The following ADA2 variants were observed in gnomAD, a reference collection of about 807,000 sequenced individuals.
The protein encoded by ADA2 is adenosine deaminase CECR1.
A neutral mutation model predicts 44.2 loss-of-function variants in ADA2; 29 were observed. That is an observed-to-expected ratio of 0.66 (90% CI 0.49 to 0.89). ADA2 has a LOEUF of 0.89. Among genes scored for constraint, ADA2 ranks in the 40% least tolerant of loss-of-function variants. ADA2 has a pLI of 0.00. For missense variants in ADA2, 637 were observed against 644.8 expected (o/e 0.99, Z 0.13); for synonymous variants, 215 against 234.9 (o/e 0.92, Z 0.77).
chr22:17,198,333 G>A (rs2062220126), intron 4 of ADA2, among the ~76,000 whole-genome samples: 1 of 152,092 alleles, frequency 6.6e-6, no homozygotes, highest in South Asian at 2.1e-4. Context: ...GCTAGGGTGC[G>A]ATATACAGCT....
chr22:17,188,607 T>A, intron 6 of ADA2, 160 bp from the exon 7 acceptor site: 1 of 539,654 alleles, frequency 1.9e-6, no homozygotes, highest in Non-Finnish European at 3.3e-6. Flanking sequence ...AGGCCAGGCG[T>A]GGTGGCTCAC....
At chr22:17,195,315 G>A (rs2062175764) in intron 4 of ADA2, among the ~76,000 whole-genome samples, 1 of 152,054 alleles carries the variant, frequency 6.6e-6, no homozygotes, top group African/African-American at 2.4e-5. Flanking sequence ...AATCACCTGA[G>A]GTCAGGAGTT....
At chr22:17,189,403 A>G (rs963928670) in intron 6 of ADA2, among the ~76,000 whole-genome samples, 2 of 152,144 alleles carry the variant, frequency 1.3e-5, no homozygotes, top group African/African-American at 4.8e-5. Flanking sequence ...GACAACACCT[A>G]TGAATGTGTA....
chr22:17,212,086 G>A (rs1353005675), intron 1 of ADA2, among the ~76,000 whole-genome samples: 7 of 151,716 alleles, frequency 4.6e-5, no homozygotes, highest in Admixed American at 6.6e-5. Context: ...GTACAATGGC[G>A]CGATCTCGGC....
In ADA2 at chr22:17,188,318, G is replaced by A. The variant is rs756382115; in HGVS notation, c.1081+21C>T. On this transcript the variant is annotated intron_variant, in intron 7 of 9. Transcript: ENST00000399837. Reference sequence around the variant, plus strand: ...CCCATTGACCACCTCCGCTGCCTCTGCTCGCATCCCGCAGGCTCACCTGTT... The same window carrying A: ...CCCATTGACCACCTCCGCTGCCTCTACTCGCATCCCGCAGGCTCACCTGTT... The A allele has an allele frequency of 2.5e-6, 4 of 1,581,976 alleles. No individual in the cohort carries two copies. In the South Asian group the frequency reaches 4.4e-5, roughly 18 times the overall value.
chr22:17,199,776 T>C, intron 4 of ADA2: 1 of 1,434,532 alleles, frequency 7.0e-7, no homozygotes, highest in Non-Finnish European at 9.1e-7. Context: ...GGCTTTAGTT[T>C]CGACATCAAT....
intron 4 of ADA2, among the ~76,000 whole-genome samples, chr22:17,203,080 T>G (rs1190210196): frequency 3.9e-5 from 6 of 152,108 alleles, no homozygotes; most frequent in Non-Finnish European, 7.4e-5. Flanking sequence ...GGCCGTCTAT[T>G]TCATTTTTCT....
rs144447953 is a variant in ADA2, at chr22:17,188,349, G to C, written c.1071C>G (p.Ala357=). 2.5e-6 allele frequency: 4 copies of C among 1,612,926 alleles called. No individual in the cohort carries two copies. Among genetic ancestry groups the C allele is most frequent in the East Asian group, 2.2e-5 (1 of 44,866 alleles). ...DGVKLPYFFH[A]GETDWQGTSI... ...ATCCCGCAGGCTCACCTGTTTCTCC[G>C]GCGTGGAAGAAGTAAGGCAGCTTAA... The change falls in exon 7 of 10, where the codon GCC becomes GCG. Residue 357 remains alanine, a synonymous_variant. Transcript: ENST00000399837.
At chr22:17,195,508 G>A (rs1347128457) in intron 4 of ADA2, among the ~76,000 whole-genome samples, 3 of 149,500 alleles carry the variant, frequency 2.0e-5, no homozygotes, top group Non-Finnish European at 4.4e-5. Context: ...CAGCCTGGGC[G>A]ACAGAGCAAG....
rs1248279797 is a variant in ADA2, at chr22:17,203,601, T to C, written c.715A>G (p.Asn239Asp). The C allele has an allele frequency of 6.2e-7, 1 of 1,613,162 alleles. No homozygotes were observed. The highest frequency in any genetic ancestry group is 8.5e-7 in the Non-Finnish European group (1 of 1,180,010). The change falls in exon 4 of 10, where the codon AAC (asparagine) becomes GAC (aspartate). Residue 239 changes from asparagine (N) to aspartate (D), a missense_variant. Physicochemically the swap from Asn to Asp is conservative, Grantham distance 23 (BLOSUM62 1). Transcript: ENST00000399837. Reference sequence around the variant, plus strand: ...GCTCTGATCTCCATGTAGAGCACGTTGTCCTCGTAGAACTCCTGCATGCTC... The same window carrying C: ...GCTCTGATCTCCATGTAGAGCACGTCGTCCTCGTAGAACTCCTGCATGCTC... ...FRSMQEFYED[N>D]VLYMEIRARL...
At chr22:17,209,746 G>A (rs2123716719) in intron 1 of ADA2, 23 bp from the exon 2 acceptor site, 1 of 1,255,058 alleles carries the variant, frequency 8.0e-7, no homozygotes, top group Admixed American at 2.2e-5. Context: ...GTGGGGGAGT[G>A]AAAACCTACA....
intron 4 of ADA2, among the ~76,000 whole-genome samples, chr22:17,198,104 C>T (rs542695773): frequency 5.9e-5 from 9 of 152,062 alleles, no homozygotes; most frequent in Non-Finnish European, 5.9e-5. Context: ...GGCTGGAGGC[C>T]GACCACATTT....
At chr22:17,218,907 A>C (rs2062497882) in intron 1 of ADA2, among the ~76,000 whole-genome samples, 1 of 152,214 alleles carries the variant, frequency 6.6e-6, no homozygotes, top group African/African-American at 2.4e-5. Context: ...CTGTGATCCC[A>C]GCCCTTTGGA....
At chr22:17,199,428 T>TCCTCTATCCTCTTCCCCTACCTCCCCA in intron 4 of ADA2, 1 of 867,054 alleles carries the variant, frequency 1.2e-6, no homozygotes, top group Non-Finnish European at 1.9e-6. Context: ...CTCCCTCCCC[T>TCCTCTATCCTCTTCCCCTACCTCCCCA]CCTCTATCCT....
At chr22:17,182,502 A>C in intron 8 of ADA2, 102 bp downstream of exon 8, 2 of 1,180,314 alleles carry the variant, frequency 1.7e-6, no homozygotes, top group Non-Finnish European at 2.5e-6. Flanking sequence ...TGTAGGTAAC[A>C]AGAGAGTTAA....
chr22:17,191,629 T>A, intron 5 of ADA2, 54 bp downstream of exon 5: 2 of 1,554,658 alleles, frequency 1.3e-6, no homozygotes, highest in Non-Finnish European at 1.8e-6. Flanking sequence ...GCCTAGTAGC[T>A]CTGCCTGCAT....
Position 17,203,708 on chromosome 22 carries a change from A to C in ADA2, c.608T>G (p.Val203Gly), listed in dbSNP as rs1340031421. The C allele has an allele frequency of 6.2e-7, 1 of 1,614,182 alleles. No homozygotes were observed. The highest frequency in any genetic ancestry group is 8.5e-7 in the Non-Finnish European group (1 of 1,180,012). ...PEVIYTNQNVVWSKFETIFFT... is the reference protein window; with the variant it reads ...PEVIYTNQNVGWSKFETIFFT... ...GAAGATGGTTTCAAATTTCGACCAG[A>C]CAACATTTTGGTTTGTGTAAATCAC... The change falls in exon 4 of 10, where the codon GTC becomes GGC. Residue 203 changes from valine (V) to glycine (G), a missense_variant. Coordinates refer to ENST00000399837, the MANE Select transcript of ADA2 (RefSeq NM_001282225.2).
chr22:17,203,745 G>A lies in ADA2; in HGVS notation c.571C>T (p.Gln191Ter). 6.2e-7 allele frequency: 1 copy of A among 1,613,902 alleles called. No individual in the cohort carries two copies. Among genetic ancestry groups the A allele is most frequent in the Non-Finnish European group, 8.5e-7 (1 of 1,179,830 alleles). The change falls in exon 4 of 10, where the codon CAG becomes TAG. Residue 191 changes from glutamine (Q) to a stop codon, truncating the protein, a stop_gained. Coordinates refer to ENST00000399837, the MANE Select transcript of ADA2 (RefSeq NM_001282225.2). LOFTEE classifies it high-confidence loss of function. ...SLLRNFTLVT[Q>*]HPEVIYTNQN... ...TTTGTGTAAATCACCTCCGGGTGCT[G>A]GGTCACCAGAGTGAAATTCCTCAGC...
At chr22:17,185,437 AAAATAAAAT>A (rs869042469) in intron 7 of ADA2, among the ~76,000 whole-genome samples, 1 of 151,658 alleles carries the variant, frequency 6.6e-6, no homozygotes, top group Non-Finnish European at 1.5e-5. Flanking sequence ...AAAATAAAAT[AAAATAAAAT>A]AAAAAAATAA....
Sources: allele counts gnomAD v4.1 joint callset (sites outside exome capture counted in the v4.1 genomes callset), GRCh38; gene constraint gnomAD v4.1.1; transcripts MANE v1.5; gene names NCBI Gene and HGNC (gene_info 2026-07-23, HGNC 2026-07-21).